IARS1: variants seen among roughly 807,000 people sequenced by gnomAD.
IARS1 encodes isoleucine--tRNA ligase, cytoplasmic.
In IARS1, 124 loss-of-function variants were observed where a neutral mutation model predicts 168.2. That is an observed-to-expected ratio of 0.74 (90% CI 0.64 to 0.86). The LOEUF (loss-of-function observed/expected upper bound fraction) is 0.86. Among genes scored for constraint, IARS1 ranks in the 40% least tolerant of loss-of-function variants. IARS1 has a pLI of 0.00. For synonymous variants in IARS1, 532 were observed against 529.4 expected (o/e 1.00, Z -0.07); for missense variants, 1,452 against 1,515.8 (o/e 0.96, Z 0.70).
intron 19 of IARS1, among the ~76,000 whole-genome samples, chr9:92,257,324 C>A (rs1415778564): frequency 6.6e-6 from 1 of 152,234 alleles, no homozygotes; most frequent in Non-Finnish European, 1.5e-5. Context: ...TCTCTGGCAG[C>A]ACCACAACCA....
In IARS1 at chr9:92,288,132, T is replaced by G. The variant is rs777929483; in HGVS notation, c.270A>C (p.Leu90Phe). 6.2e-7 allele frequency: 1 copy of G among 1,613,396 alleles called. No homozygotes were observed. Among genetic ancestry groups the G allele is most frequent in the Non-Finnish European group, 8.5e-7 (1 of 1,179,788 alleles). The change falls in exon 3 of 34, where the codon TTA becomes TTC. Residue 90 changes from leucine (L) to phenylalanine (F), a missense_variant. By Grantham distance (22) the Leu-to-Phe change is conservative. Transcript: ENST00000443024. ...GCTGGATACTCAAACATACCACAGG[T>G]AAGCCATGGCAATCCCATCCAAATC... The part of the protein sequence containing the change: ...DRRFGWDCHG[L>F]PVEYEIDKTL...
chr9:92,212,771 T>C (rs556410444), intron 33 of IARS1, among the ~76,000 whole-genome samples: 42 of 152,214 alleles, frequency 2.8e-4, no homozygotes, highest in African/African-American at 9.6e-4. Flanking sequence ...AAAAAAGCCT[T>C]TGATAGAGTG....
chr9:92,253,699 G>A (rs1830329922), intron 20 of IARS1: 2 of 530,682 alleles, frequency 3.8e-6, no homozygotes. Context: ...AATTCCCATT[G>A]GTCAGTGAGA....
rs890350335 is a variant in IARS1 at position 92,293,496 on chromosome 9, C to T, written c.-8+115G>A. ...AGGCTGGAAACGAACGAACGGCAAG[C>T]CCCGAAGAAACACGCTCTTTTAAAA... On this transcript the variant is annotated intron_variant, in intron 1 of 33. Coordinates refer to ENST00000443024, the MANE Select transcript of IARS1 (RefSeq NM_002161.6). 5.7e-6 allele frequency: 3 copies of T among 528,120 alleles called. No homozygotes were observed. In the African/African-American group the frequency reaches 5.9e-5, roughly 10 times the overall value. 32.7% of individuals were successfully genotyped at this position (528,120 alleles called of 1,614,324 possible). A position where few individuals can be genotyped will look rare whatever the true frequency, so the allele number is the denominator to read the frequency against.
chr9:92,285,781 G>A lies in IARS1; in HGVS notation c.538C>T (p.Pro180Ser). 6.2e-7 allele frequency: 1 copy of A among 1,613,702 alleles called. No individual in the cohort carries two copies. Among genetic ancestry groups the A allele is most frequent in the Non-Finnish European group, 8.5e-7 (1 of 1,179,642 alleles). The part of the protein sequence containing the change: ...GLVYRGVKVM[P>S]FSTACNTPLS... ...GGAGTGTTACATGCCGTAGAGAAGG[G>A]CATGACTTTCACACCTCTATAAACA... Residue 180 changes from proline to serine, a missense_variant, in exon 6 of 34, where the codon CCC (proline) becomes TCC (serine). Coordinates refer to ENST00000443024, the MANE Select transcript of IARS1 (RefSeq NM_002161.6).
intron 12 of IARS1, among the ~76,000 whole-genome samples, chr9:92,270,331 G>A (rs1242663270): frequency 6.6e-6 from 1 of 151,948 alleles, no homozygotes; most frequent in Non-Finnish European, 1.5e-5. Flanking sequence ...TTTACAGCAT[G>A]GTCTTATATT....
rs187938830 is a variant in IARS1 at position 92,249,781 on chromosome 9, A to G, written c.2616+77T>C. On this transcript the variant is annotated intron_variant, in intron 25 of 33. Coordinates refer to ENST00000443024, the MANE Select transcript of IARS1 (RefSeq NM_002161.6). ...AATAAAAATAAATTATAGAGTCAAT[A>G]TGTACTTTGAGGATTATTCATCAAA... 5 of 716,450 alleles carry G rather than the reference A, an allele frequency of 7.0e-6. No homozygotes were observed. In the African/African-American group the frequency reaches 7.1e-5, roughly 10 times the overall value. The allele number at this position is 716,450 out of a possible 1,614,324, so 44.4% of individuals were successfully genotyped here.
At chr9:92,268,457 T>C (rs1005337121) in intron 13 of IARS1, among the ~76,000 whole-genome samples, 157 bp from the exon 14 acceptor site, 1 of 152,238 alleles carries the variant, frequency 6.6e-6, no homozygotes, top group Admixed American at 6.5e-5. Flanking sequence ...ATGGACAGCA[T>C]AGCACACACA....
intron 24 of IARS1, 38 bp downstream of exon 24, chr9:92,250,149 A>G (rs1587793684): frequency 2.4e-6 from 3 of 1,263,312 alleles, no homozygotes; most frequent in African/African-American, 2.9e-5. Flanking sequence ...TAATTAATTT[A>G]GGTCTGTGCC....
chr9:92,230,110 T>C (rs1183685265), intron 30 of IARS1, among the ~76,000 whole-genome samples: 1 of 151,766 alleles, frequency 6.6e-6, no homozygotes, highest in Non-Finnish European at 1.5e-5. Flanking sequence ...ACAATTTCTT[T>C]TCTTTTCTTT....
At chr9:92,211,247 A>G (rs529596762) in intron 33 of IARS1, among the ~76,000 whole-genome samples, 1 of 152,326 alleles carries the variant, frequency 6.6e-6, no homozygotes, top group African/African-American at 2.4e-5. Flanking sequence ...CTCAACAGAA[A>G]CTGGACACCA....
chr9:92,237,224 A>G (rs990576685), intron 30 of IARS1, among the ~76,000 whole-genome samples: 1 of 152,096 alleles, frequency 6.6e-6, no homozygotes, highest in Non-Finnish European at 1.5e-5. Context: ...CACATTCCAC[A>G]TATTTTGATG....
intron 25 of IARS1, 104 bp from the exon 26 acceptor site, chr9:92,247,655 G>A: frequency 1.1e-6 from 1 of 946,708 alleles, no homozygotes; most frequent in South Asian, 1.6e-5. Flanking sequence ...CAGAAAGCAA[G>A]AACACTTCAA....
intron 30 of IARS1, among the ~76,000 whole-genome samples, chr9:92,238,853 T>C (rs932379345): frequency 2.6e-5 from 4 of 152,246 alleles, no homozygotes. Context: ...TCTTAACTAT[T>C]ATTTCTTGTT....
rs1836772625 is a variant in IARS1 at position 92,293,650 on chromosome 9, C to T, written c.-47G>A. 3.4e-6 allele frequency: 1 copy of T among 296,784 alleles called. No individual in the cohort carries two copies. Among genetic ancestry groups the T allele is most frequent in the South Asian group, 3.0e-5 (1 of 33,114 alleles). The allele number at this position is 296,784 out of a possible 1,614,324, so 18.4% of individuals were successfully genotyped here. A position where few individuals can be genotyped will look rare whatever the true frequency, so the allele number is the denominator to read the frequency against. ...GTGCCTGGACAGCCCCGCGGGCCAGCAAGCCTAAAAGCAACTCATCCGGCG... is the reference window on the plus strand; with the variant it reads ...GTGCCTGGACAGCCCCGCGGGCCAGTAAGCCTAAAAGCAACTCATCCGGCG... On this transcript the variant is annotated 5_prime_UTR_variant, in exon 1 of 34. Transcript: ENST00000443024.
intron 25 of IARS1, 85 bp downstream of exon 25, chr9:92,249,773 G>C (rs1308383130): frequency 4.6e-6 from 3 of 648,326 alleles, no homozygotes; most frequent in Non-Finnish European, 5.3e-6. Context: ...ATAAATTATA[G>C]AGTCAATATG....
rs557210694 is a variant in IARS1 at position 92,243,110 on chromosome 9, T to C, written c.3000+106A>G. 1.1e-4 allele frequency: 81 copies of C among 726,086 alleles called. No homozygotes were observed. The South Asian group carries it at 1.3e-3, about 11-fold the overall frequency. 45.0% of individuals were successfully genotyped at this position (726,086 alleles called of 1,614,324 possible). A position where few individuals can be genotyped will look rare whatever the true frequency, so the allele number is the denominator to read the frequency against. ...ATGGACTATGGATTAGTGATTGTTA[T>C]GCATTGATCACTATGGTTTATATTA... On this transcript the variant is annotated intron_variant, in intron 28 of 33. Coordinates refer to ENST00000443024, the MANE Select transcript of IARS1 (RefSeq NM_002161.6).
At chr9:92,267,642 A>G (rs886872220) in intron 14 of IARS1, among the ~76,000 whole-genome samples, 1 of 152,326 alleles carries the variant, frequency 6.6e-6, no homozygotes, top group Admixed American at 6.5e-5. Flanking sequence ...TACATGTGGG[A>G]GCCATCACAC....
intron 15 of IARS1, among the ~76,000 whole-genome samples, 161 bp from the exon 16 acceptor site, chr9:92,265,284 T>C (rs1346399357): frequency 6.6e-6 from 1 of 152,208 alleles, no homozygotes; most frequent in Admixed American, 6.5e-5. Context: ...CCATGAATCC[T>C]CCATCTGAAA....
Sources: allele counts gnomAD v4.1 joint callset (sites outside exome capture counted in the v4.1 genomes callset), GRCh38; gene constraint gnomAD v4.1.1; transcripts MANE v1.5; gene names NCBI Gene and HGNC (gene_info 2026-07-23, HGNC 2026-07-21).